The following NEXMIF variants were observed in gnomAD, a reference collection of about 807,000 sequenced individuals.
NEXMIF encodes neurite extension and migration factor.
A neutral mutation model predicts 62.1 loss-of-function variants in NEXMIF; 8 were observed. The observed-to-expected ratio is 0.13, with a 90% confidence interval of 0.08 to 0.23. The LOEUF is 0.23. Ranked by LOEUF, NEXMIF falls within the 10% of genes least tolerant of loss-of-function variation. The probability of loss-of-function intolerance (pLI) is 1.00; values close to 1 mark genes in which losing one functional copy is unlikely to be tolerated. For missense variants in NEXMIF, 976 were observed against 1,113.3 expected (o/e 0.88, Z 1.75); for synonymous variants, 404 against 416.6 (o/e 0.97, Z 0.37).
At chrX:74,911,366 G>A (rs2080789129) in intron 1 of NEXMIF, among the ~76,000 whole-genome samples, 1 of 111,707 alleles carries the variant, frequency 9.0e-6, no homozygotes, top group Non-Finnish European at 1.9e-5. Flanking sequence ...GTTGCAGTGA[G>A]CTGAGATCAT....
chrX:74,758,614 T>C (rs1288550948), intron 1 of NEXMIF, among the ~76,000 whole-genome samples: 4 of 111,053 alleles, frequency 3.6e-5, no homozygotes, highest in Non-Finnish European at 7.5e-5. Context: ...TTTGCATCCA[T>C]GTATTTGCAT....
chrX:74,919,758 A>C (rs2080820088), intron 1 of NEXMIF, among the ~76,000 whole-genome samples: 1 of 110,705 alleles, frequency 9.0e-6, no homozygotes, highest in Admixed American at 9.6e-5. Context: ...TATATCTCCT[A>C]ATGCTATCCT....
chrX:74,752,257 C>G (rs1353838006), intron 1 of NEXMIF, among the ~76,000 whole-genome samples: 1 of 111,524 alleles, frequency 9.0e-6, no homozygotes, highest in African/African-American at 3.3e-5. Context: ...TCCTGTATGC[C>G]TCTGATTTTT....
At chrX:74,872,855 A>C (rs974927133) in intron 1 of NEXMIF, among the ~76,000 whole-genome samples, 1 of 110,095 alleles carries the variant, frequency 9.1e-6, no homozygotes, top group Non-Finnish European at 1.9e-5. Context: ...AAAATATTAT[A>C]ATGGAGTAGA....
chrX:74,765,348 T>C (rs1261741560), intron 1 of NEXMIF, among the ~76,000 whole-genome samples: 2 of 111,941 alleles, frequency 1.8e-5, no homozygotes, highest in African/African-American at 3.2e-5. Context: ...TTCTTGAAGA[T>C]GGCTTATCAT....
At chrX:74,841,008 T>A (rs2080472163) in intron 1 of NEXMIF, among the ~76,000 whole-genome samples, 1 of 112,374 alleles carries the variant, frequency 8.9e-6, no homozygotes, top group African/African-American at 3.2e-5. Context: ...TTTTTTCTAA[T>A]TCTGTGAAGA....
chrX:74,910,153 T>C (rs2080783767), intron 1 of NEXMIF, among the ~76,000 whole-genome samples: 1 of 111,861 alleles, frequency 8.9e-6, no homozygotes, highest in African/African-American at 3.3e-5. Flanking sequence ...GAATGGTAGA[T>C]CCACTGAAAG....
chrX:74,889,771 G>T (rs375350212), intron 1 of NEXMIF, among the ~76,000 whole-genome samples: 83 of 111,424 alleles, frequency 7.4e-4, no homozygotes, highest in African/African-American at 2.6e-3. Context: ...TGGTAGGTCT[G>T]TTGTGCACTG....
At chrX:74,916,543 G>C (rs924965256) in intron 1 of NEXMIF, among the ~76,000 whole-genome samples, 1 of 111,510 alleles carries the variant, frequency 9.0e-6, no homozygotes, top group East Asian at 2.8e-4. Context: ...AGAGAGACCT[G>C]AGCTAGCACA....
At chrX:74,887,185 A>T (rs2080698147) in intron 1 of NEXMIF, among the ~76,000 whole-genome samples, 1 of 112,155 alleles carries the variant, frequency 8.9e-6, no homozygotes, top group African/African-American at 3.3e-5. Flanking sequence ...TAGACCTAAA[A>T]CCATAAAAAC....
intron 1 of NEXMIF, among the ~76,000 whole-genome samples, chrX:74,923,292 T>A (rs1388216586): frequency 8.9e-6 from 1 of 111,958 alleles, no homozygotes; most frequent in African/African-American, 3.3e-5. Flanking sequence ...GGGTAAAATG[T>A]ATGTCTTCCA....
At chrX:74,848,363 G>A (rs1222501222) in intron 1 of NEXMIF, among the ~76,000 whole-genome samples, 1 of 112,199 alleles carries the variant, frequency 8.9e-6, no homozygotes, top group Admixed American at 9.4e-5. Context: ...ATTAATAATT[G>A]TATTAGTTTT....
intron 1 of NEXMIF, among the ~76,000 whole-genome samples, chrX:74,886,333 C>G (rs936287055): frequency 9.9e-5 from 11 of 111,514 alleles, no homozygotes; most frequent in African/African-American, 2.9e-4. Flanking sequence ...AAAGGGTATT[C>G]AATTAGGAAA....
intron 1 of NEXMIF, among the ~76,000 whole-genome samples, chrX:74,866,368 A>G (rs2080579192): frequency 8.9e-6 from 1 of 111,827 alleles, no homozygotes; most frequent in Non-Finnish European, 1.9e-5. Flanking sequence ...ATGCCTGCAC[A>G]CCCATTGTAT....
intron 1 of NEXMIF, among the ~76,000 whole-genome samples, chrX:74,822,501 A>AT: frequency 8.9e-6 from 1 of 112,406 alleles, no homozygotes; most frequent in Admixed American, 9.4e-5. Context: ...TCTGATAAGG[A>AT]ACATGTATCT....
chrX:74,877,338 G>T (rs777829047), intron 1 of NEXMIF, among the ~76,000 whole-genome samples: 4 of 111,870 alleles, frequency 3.6e-5, no homozygotes, highest in African/African-American at 1.3e-4. Context: ...CTTCTGGCTT[G>T]TAGAGTTTCT....
rs2080152138 is a variant in NEXMIF, at chrX:74,754,115, C to T, written c.-47-8418G>A. 2.8e-5 allele frequency among the ~76,000 whole-genome samples: 3 copies of T among 108,838 alleles called. No homozygotes were observed. In the Admixed American group the frequency reaches 3.0e-4, roughly 11 times the overall value. 94.5% of individuals were successfully genotyped at this position (108,838 alleles called of 115,157 possible). A position where few individuals can be genotyped will look rare whatever the true frequency, so the allele number is the denominator to read the frequency against. On this transcript the variant is annotated intron_variant, in intron 1 of 3. Transcript: ENST00000055682. ...TAGCTGGGACTACAGGCATGCACCA[C>T]CACACCCGGCTCATTTTTGTATTTT...
chrX:74,758,969 G>A (rs2080167765), intron 1 of NEXMIF, among the ~76,000 whole-genome samples: 1 of 112,064 alleles, frequency 8.9e-6, no homozygotes. Flanking sequence ...GCTCTTTGAG[G>A]AATTGCCACC....
intron 1 of NEXMIF, among the ~76,000 whole-genome samples, chrX:74,861,868 T>A (rs1194328534): frequency 2.7e-5 from 3 of 110,956 alleles, no homozygotes; most frequent in African/African-American, 9.8e-5. Flanking sequence ...AAAGGAAAAA[T>A]CAATACCAGC....
Sources: gnomAD v4.1 joint callset for allele counts (sites outside exome capture counted in the v4.1 genomes callset) on GRCh38, gnomAD v4.1.1 for gene constraint, MANE v1.5 for transcripts, NCBI Gene and HGNC (gene_info 2026-07-23, HGNC 2026-07-21) for gene names.